The following NR6A1 variants were observed in gnomAD, a reference collection of about 807,000 sequenced individuals.
The protein encoded by NR6A1 is nuclear receptor subfamily 6 group A member 1.
NR6A1 carries 7 observed loss-of-function variants against 59.1 expected under a neutral mutation model. That is an observed-to-expected ratio of 0.12 (90% CI 0.07 to 0.22). The LOEUF (loss-of-function observed/expected upper bound fraction) is 0.22. NR6A1 is among the 10% of genes least tolerant of loss of function. The probability of loss-of-function intolerance (pLI) is 1.00; values close to 1 mark genes in which losing one functional copy is unlikely to be tolerated. For synonymous variants in NR6A1, 243 were observed against 236.1 expected, an observed-to-expected ratio of 1.03 and a Z score of -0.27; for missense variants, 468 against 611.6, an observed-to-expected ratio of 0.77 and a Z score of 2.48.
chr9:124,703,511 C>T (rs1839029725), intron 2 of NR6A1, among the ~76,000 whole-genome samples: 1 of 151,848 alleles, frequency 6.6e-6, no homozygotes, highest in African/African-American at 2.4e-5. Flanking sequence ...CCCAGCCCAT[C>T]CTACCTTTTA....
At chr9:124,749,505 T>C (rs1336600837) in intron 1 of NR6A1, among the ~76,000 whole-genome samples, 1 of 152,150 alleles carries the variant, frequency 6.6e-6, no homozygotes, top group African/African-American at 2.4e-5. Flanking sequence ...AAATTGACCT[T>C]TGGGTCAACC....
chr9:124,705,830 C>T (rs948994237), intron 2 of NR6A1, among the ~76,000 whole-genome samples: 7 of 150,658 alleles, frequency 4.6e-5, no homozygotes, highest in African/African-American at 1.7e-4. Flanking sequence ...GGCTGGAGTG[C>T]AGTGGTGTGA....
rs1370234144 is a variant in NR6A1, at chr9:124,540,080, C to T, written c.549G>A (p.Arg183=). The change falls in exon 5 of 10, where the codon AGG becomes AGA. Residue 183 remains arginine, a synonymous_variant. Transcript: ENST00000487099. ...GTGAGGGCTGGTTGCTCTCCGAAGC[C>T]CTGTTCCCAGGGGAACTGTGGTCAC... is the stretch of plus-strand genomic sequence containing the variant. ...GDSDHSSPGN[R]ASESNQPSPG... is the part of the protein sequence containing the mutation. 1 of 1,612,724 alleles carries T rather than the reference C, an allele frequency of 6.2e-7. No individual in the cohort carries two copies. The highest frequency in any genetic ancestry group is 1.1e-5 in the South Asian group (1 of 90,884).
chr9:124,547,757 T>C (rs969156385), intron 3 of NR6A1, among the ~76,000 whole-genome samples: 2 of 152,166 alleles, frequency 1.3e-5, no homozygotes, highest in African/African-American at 4.8e-5. Flanking sequence ...ACAAAATACA[T>C]GACCTATTTG....
chr9:124,538,915 A>C (rs1055588097), intron 5 of NR6A1, among the ~76,000 whole-genome samples: 26 of 152,042 alleles, frequency 1.7e-4, no homozygotes, highest in Non-Finnish European at 3.4e-4. Flanking sequence ...TAAAAAAAAA[A>C]AAAAAACCTA....
chr9:124,663,060 T>A (rs189560808), intron 2 of NR6A1, among the ~76,000 whole-genome samples: 2 of 152,316 alleles, frequency 1.3e-5, no homozygotes, highest in East Asian at 3.9e-4. Context: ...AAAGAAATGA[T>A]GAATTAGGTC....
intron 4 of NR6A1, 43 bp downstream of exon 4, chr9:124,543,759 G>A: frequency 6.6e-7 from 1 of 1,519,768 alleles, no homozygotes. Flanking sequence ...CTGGAGCCCT[G>A]GGCTTCCAGG....
In NR6A1 at chr9:124,702,273, CTT is replaced by C. The variant is rs1838983974; in HGVS notation, c.142+31033_142+31034del. On this transcript the variant is annotated intron_variant, in intron 2 of 9. Transcript: ENST00000487099. ...TAGGTGTATGGTGCACTCTGAGTTA[CTT>C]TTTGTGTCTAGTGTAAAATAGAGTC... Among the ~76,000 whole-genome samples, 8 of 152,178 alleles carry C rather than the reference CTT, an allele frequency of 5.3e-5. No individual in the cohort carries two copies. In the South Asian group the frequency reaches 1.7e-3, roughly 32 times the overall value.
intron 2 of NR6A1, among the ~76,000 whole-genome samples, chr9:124,701,843 C>A (rs1838962999): frequency 6.6e-6 from 1 of 152,140 alleles, no homozygotes; most frequent in Non-Finnish European, 1.5e-5. Context: ...CCTGCTTCAG[C>A]CTCCCGAGTA....
At chr9:124,721,972 C>T (rs1438768891) in intron 2 of NR6A1, among the ~76,000 whole-genome samples, 1 of 152,160 alleles carries the variant, frequency 6.6e-6, no homozygotes, top group Non-Finnish European at 1.5e-5. Context: ...GGGATTGTAT[C>T]TTTTTAAACA....
At chr9:124,554,933 A>G (rs898373109) in intron 2 of NR6A1, among the ~76,000 whole-genome samples, 5 of 152,218 alleles carry the variant, frequency 3.3e-5, no homozygotes, top group African/African-American at 1.2e-4. Context: ...GTAAGGGCCT[A>G]ACACATGATA....
chr9:124,751,102 C>G (rs1178516417), intron 1 of NR6A1, among the ~76,000 whole-genome samples: 1 of 152,162 alleles, frequency 6.6e-6, no homozygotes, highest in Non-Finnish European at 1.5e-5. Flanking sequence ...ATGTTACTCT[C>G]CTTATAAGGT....
At chr9:124,724,043 G>A (rs1277936588) in intron 2 of NR6A1, among the ~76,000 whole-genome samples, 2 of 152,196 alleles carry the variant, frequency 1.3e-5, no homozygotes, top group Admixed American at 1.3e-4. Context: ...ACAATAGGAG[G>A]ATGGTTAAAT....
chr9:124,675,928 A>C (rs1837945426), intron 2 of NR6A1, among the ~76,000 whole-genome samples: 1 of 152,214 alleles, frequency 6.6e-6, no homozygotes, highest in South Asian at 2.1e-4. Context: ...GTGTAATTGT[A>C]TACTCAAATA....
chr9:124,608,199 A>G (rs1373452451), intron 2 of NR6A1, among the ~76,000 whole-genome samples: 1 of 152,176 alleles, frequency 6.6e-6, no homozygotes, highest in Non-Finnish European at 1.5e-5. Context: ...TTTGTTACAC[A>G]GGTAAATGTG....
rs1293913634 is a variant in NR6A1 at position 124,582,435 on chromosome 9, G to C, written c.143-27865C>G. Among the ~76,000 whole-genome samples the C allele has an allele frequency of 1.4e-4, 22 of 152,156 alleles. 1 individual carries two copies. Among genetic ancestry groups the C allele is most frequent in the Admixed American group, 1.4e-3 (22 of 15,266 alleles). ...TACCAGAGGGCAGAGGGTGGGAGGA[G>C]GGAGAGGATCAGGAAAAATAACTAA... On this transcript the variant is annotated intron_variant, in intron 2 of 9. Transcript: ENST00000487099.
intron 7 of NR6A1, 61 bp downstream of exon 7, chr9:124,535,817 C>T: frequency 6.3e-7 from 1 of 1,593,952 alleles, no homozygotes; most frequent in South Asian, 1.2e-5. Flanking sequence ...GGCAACTCTG[C>T]CTTACAGGGA....
intron 2 of NR6A1, among the ~76,000 whole-genome samples, chr9:124,579,449 G>A (rs1002264158): frequency 6.6e-6 from 1 of 152,212 alleles, no homozygotes; most frequent in South Asian, 2.1e-4. Context: ...TACTCAGGAG[G>A]CTGAGTAGCT....
At chr9:124,770,843 C>T (rs1439757324) in intron 1 of NR6A1, among the ~76,000 whole-genome samples, 177 bp downstream of exon 1, 2 of 151,422 alleles carry the variant, frequency 1.3e-5, no homozygotes, top group Non-Finnish European at 2.9e-5. Context: ...CTGAGCGAGA[C>T]CGGGGAGGAG....
Sources: allele counts gnomAD v4.1 joint callset (sites outside exome capture counted in the v4.1 genomes callset), GRCh38; gene constraint gnomAD v4.1.1; transcripts MANE v1.5; gene names NCBI Gene and HGNC (gene_info 2026-07-23, HGNC 2026-07-21).